Variants in PPM1L observed in about 807,000 individuals in gnomAD.
PPM1L encodes the protein protein phosphatase 1L.
In PPM1L, 13 loss-of-function variants were observed where a neutral mutation model predicts 31.4. The observed-to-expected ratio is 0.41, with a 90% CI of 0.27 to 0.66. The LOEUF (loss-of-function observed/expected upper bound fraction) is 0.66, where lower values mean the gene tolerates loss of function less well. Among genes scored for constraint, PPM1L ranks in the 30% least tolerant of loss-of-function variants. The probability of loss-of-function intolerance (pLI) is 0.29; values close to 1 mark genes in which losing one functional copy is unlikely to be tolerated. For synonymous variants in PPM1L, 184 were observed against 175.4 expected (o/e 1.05, Z -0.39); for missense variants, 326 against 453.7 (o/e 0.72, Z 2.56).
chr3:160,997,695 C>G (rs1190927573), intron 2 of PPM1L, among the ~76,000 whole-genome samples: 1 of 152,122 alleles, frequency 6.6e-6, no homozygotes, highest in African/African-American at 2.4e-5. Context: ...GTCTTGGTAG[C>G]TGGCCTCATT....
chr3:161,067,413 G>C (rs78464629), intron 3 of PPM1L, among the ~76,000 whole-genome samples: 2,196 of 152,274 alleles, frequency 0.014, 24 homozygotes, highest in Non-Finnish European at 0.022. Flanking sequence ...TCTGGCCTCA[G>C]CCTCTTTTCA....
At chr3:160,900,464 A>C (rs1241896848) in intron 1 of PPM1L, among the ~76,000 whole-genome samples, 1 of 152,164 alleles carries the variant, frequency 6.6e-6, no homozygotes, top group Non-Finnish European at 1.5e-5. Flanking sequence ...CTTTATCAAT[A>C]TTAAAAATGA....
At chr3:161,010,280 G>T (rs1252114371) in intron 2 of PPM1L, among the ~76,000 whole-genome samples, 5 of 152,080 alleles carry the variant, frequency 3.3e-5, no homozygotes, top group East Asian at 1.9e-4. Context: ...GTGCTAGTTT[G>T]CTGAGAATGA....
chr3:160,967,148 T>G (rs1716176219), intron 2 of PPM1L, among the ~76,000 whole-genome samples: 1 of 151,974 alleles, frequency 6.6e-6, no homozygotes, highest in South Asian at 2.1e-4. Flanking sequence ...GAAGTTCCCC[T>G]GCACATGCTC....
intron 2 of PPM1L, among the ~76,000 whole-genome samples, chr3:161,033,052 T>TA (rs1258516189): frequency 3.0e-5 from 4 of 134,174 alleles, no homozygotes; most frequent in Non-Finnish European, 4.8e-5. Flanking sequence ...AGGGAGGAGA[T>TA]AGAGTATCCT....
At chr3:160,882,187 G>C (rs548925253) in intron 1 of PPM1L, 1 of 152,172 alleles carries the variant, frequency 6.6e-6, no homozygotes, top group East Asian at 1.9e-4. Flanking sequence ...CATGAATAAC[G>C]CTTTCACTAC....
At chr3:160,876,163 A>C (rs1028567974) in intron 1 of PPM1L, among the ~76,000 whole-genome samples, 31 of 152,194 alleles carry the variant, frequency 2.0e-4, no homozygotes, top group African/African-American at 7.2e-4. Context: ...ATTCAAAATA[A>C]CCTATCCTTC....
At chr3:160,914,293 C>CT (rs961766489) in intron 1 of PPM1L, among the ~76,000 whole-genome samples, 43 of 151,832 alleles carry the variant, frequency 2.8e-4, no homozygotes, top group Non-Finnish European at 4.6e-4. Context: ...TGAAGGAGTT[C>CT]TTTTTTTTAT....
At chr3:160,796,696 C>T (rs1712259932) in intron 1 of PPM1L, among the ~76,000 whole-genome samples, 1 of 152,166 alleles carries the variant, frequency 6.6e-6, no homozygotes, top group African/African-American at 2.4e-5. Context: ...TTGATTCTCC[C>T]CTTTACTAGC....
At chr3:160,759,176 C>G (rs961705100) in intron 1 of PPM1L, among the ~76,000 whole-genome samples, 3 of 152,102 alleles carry the variant, frequency 2.0e-5, no homozygotes, top group Admixed American at 2.0e-4. Context: ...ATGATGTTAG[C>G]TCCTGTCACA....
At chr3:160,783,136 C>A (rs550527389) in intron 1 of PPM1L, among the ~76,000 whole-genome samples, 1 of 152,126 alleles carries the variant, frequency 6.6e-6, no homozygotes, top group East Asian at 1.9e-4. Context: ...TCCTTTAGAG[C>A]GGCTTTTATA....
chr3:160,851,557 T>G (rs987956837), intron 1 of PPM1L, among the ~76,000 whole-genome samples: 3 of 152,216 alleles, frequency 2.0e-5, no homozygotes, highest in Non-Finnish European at 4.4e-5. Flanking sequence ...AAGTAAACAT[T>G]TCATCTTTGA....
rs547834007 is a variant in PPM1L, at chr3:161,074,197, A to G, written c.*5040A>G. On this transcript the variant is annotated 3_prime_UTR_variant, in exon 4 of 4. Transcript: ENST00000498165. ...CTCTGGATTCAGTGAAATAATTTGA[A>G]ATCAATTAGAGCTCATACCTTCTAA... 1 of 152,320 alleles carries G rather than the reference A, an allele frequency of 6.6e-6. No homozygotes were observed. The highest frequency in any genetic ancestry group is 2.1e-4 in the South Asian group (1 of 4,826). 9.4% of individuals were successfully genotyped at this position (152,320 alleles called of 1,614,324 possible).
intron 1 of PPM1L, among the ~76,000 whole-genome samples, chr3:160,960,053 T>C (rs1715901779): frequency 6.6e-6 from 1 of 152,056 alleles, no homozygotes; most frequent in African/African-American, 2.4e-5. Flanking sequence ...TTCTTCCTGG[T>C]CAGTACATAT....
At chr3:161,033,390 C>G (rs1718638309) in intron 2 of PPM1L, among the ~76,000 whole-genome samples, 1 of 152,114 alleles carries the variant, frequency 6.6e-6, no homozygotes, top group Admixed American at 6.6e-5. Context: ...CAAGAGAATC[C>G]TAAGCAAACA....
At position 160,961,822 on chromosome 3, in the gene PPM1L, A is replaced by G. The variant is rs1234336974; in HGVS notation, c.486A>G (p.Val162=). The G allele has an allele frequency of 6.2e-6, 10 of 1,603,058 alleles. No individual in the cohort carries two copies. Among genetic ancestry groups the G allele is most frequent in the African/African-American group, 1.3e-5 (1 of 74,356 alleles). The change falls in exon 2 of 4, where the codon GTA becomes GTG. Residue 162 remains valine (V), a synonymous_variant. Transcript: ENST00000498165. ...ACGAGAAAGACAAAGAAAATAGTGTATTATCTTACCAGACCATCCTTGAAC... is the reference window on the plus strand; with the variant it reads ...ACGAGAAAGACAAAGAAAATAGTGTGTTATCTTACCAGACCATCCTTGAAC... ...QDYEKDKENS[V]LSYQTILEQQ...
chr3:160,785,832 GTT>G (rs75150439), intron 1 of PPM1L, among the ~76,000 whole-genome samples: 6 of 120,118 alleles, frequency 5.0e-5, no homozygotes, highest in Admixed American at 2.5e-4. Flanking sequence ...GCGGTGCACT[GTT>G]TTTTTTTTTT....
chr3:160,988,797 A>G, intron 2 of PPM1L, among the ~76,000 whole-genome samples: 1 of 152,196 alleles, frequency 6.6e-6, no homozygotes, highest in Non-Finnish European at 1.5e-5. Flanking sequence ...TCCTCTGTTC[A>G]GATATAGTGG....
chr3:160,866,606 T>C (rs371484078), intron 1 of PPM1L, among the ~76,000 whole-genome samples: 16 of 152,348 alleles, frequency 1.1e-4, no homozygotes, highest in African/African-American at 3.6e-4. Flanking sequence ...GATTTTCAGC[T>C]TAGAACCACT....
Sources: gnomAD v4.1 joint callset for allele counts (sites outside exome capture counted in the v4.1 genomes callset) on GRCh38, gnomAD v4.1.1 for gene constraint, MANE v1.5 for transcripts, NCBI Gene and HGNC (gene_info 2026-07-23, HGNC 2026-07-21) for gene names.